Variants in PDPR observed in about 807,000 individuals in gnomAD.
The protein encoded by PDPR is pyruvate dehydrogenase phosphatase regulatory subunit, also known as pyruvate dehydrogenase phosphatase regulatory subunit, mitochondrial.
In PDPR, 50 loss-of-function variants were observed where a neutral mutation model predicts 102.2. The observed-to-expected ratio is 0.49, with a 90% CI of 0.39 to 0.62. The LOEUF (loss-of-function observed/expected upper bound fraction) is 0.62, where lower values mean the gene tolerates loss of function less well. Among genes scored for constraint, PDPR ranks in the 20% least tolerant of loss-of-function variants. The pLI, the probability that PDPR is intolerant of heterozygous loss-of-function variation, is 0.00. For synonymous variants in PDPR, 259 were observed against 406.0 expected, an observed-to-expected ratio of 0.64 and a Z score of 4.35; for missense variants, 625 against 1,098.2, an observed-to-expected ratio of 0.57 and a Z score of 6.09.
At chr16:70,117,517 CA>C (rs1315263475) in intron 2 of PDPR, among the ~76,000 whole-genome samples, 1 of 151,206 alleles carries the variant, frequency 6.6e-6, no homozygotes, top group Non-Finnish European at 1.5e-5. Context: ...GACTCCATCT[CA>C]AAAAAAATAA....
downstream of PDPR, among the ~76,000 whole-genome samples, chr16:70,163,266 GTT>G (rs67708146): frequency 1.3e-5 from 2 of 149,494 alleles, no homozygotes; most frequent in Non-Finnish European, 3.0e-5. Flanking sequence ...TTTTTGAGTA[GTT>G]TTTTTTTTTT....
chr16:70,154,081 A>G (rs1272735602), intron 18 of PDPR, among the ~76,000 whole-genome samples: 8 of 152,270 alleles, frequency 5.3e-5, no homozygotes, highest in African/African-American at 2.4e-5. Context: ...GCGTGAACCC[A>G]GGAGGCAGAG....
At chr16:70,129,907 CTG>C in intron 6 of PDPR, among the ~76,000 whole-genome samples, 1 of 152,406 alleles carries the variant, frequency 6.6e-6, no homozygotes, top group East Asian at 1.9e-4. Context: ...GTTCCAAAGT[CTG>C]TTTTTAAACT....
chr16:70,152,965 A>G (rs1358528607), intron 17 of PDPR, among the ~76,000 whole-genome samples: 3 of 152,290 alleles, frequency 2.0e-5, no homozygotes, highest in Non-Finnish European at 4.4e-5. Context: ...TTGGGCCAGT[A>G]CGTGAGGGAG....
At chr16:70,125,391 C>CAAAA (rs1555521452) in intron 3 of PDPR, among the ~76,000 whole-genome samples, 24,261 of 144,364 alleles carry the variant, frequency 0.17, 1,197 homozygotes, top group Admixed American at 0.22. Flanking sequence ...AACAAACAAA[C>CAAAA]AAAAAAACAA....
At chr16:70,146,285 G>T (rs974571849) in intron 16 of PDPR, 57 bp downstream of exon 16, 4 of 1,611,174 alleles carry the variant, frequency 2.5e-6, no homozygotes, top group Non-Finnish European at 3.4e-6. Context: ...CTTTCATAGC[G>T]GTGGCAGGTA....
intron 17 of PDPR, among the ~76,000 whole-genome samples, chr16:70,151,633 G>T: frequency 6.6e-6 from 1 of 152,292 alleles, no homozygotes; most frequent in East Asian, 1.9e-4. Context: ...CATCAGGAAG[G>T]GGAGGCTCTG....
At chr16:70,138,207 A>ATCTTTTTTTT (rs1965354461) in intron 10 of PDPR, among the ~76,000 whole-genome samples, 1 of 94,048 alleles carries the variant, frequency 1.1e-5, no homozygotes, top group Non-Finnish European at 2.0e-5. Context: ...ACGCCGGCTA[A>ATCTTTTTTTT]TTTTTTTTTT....
chr16:70,140,162 C>G (rs371617576), intron 11 of PDPR, among the ~76,000 whole-genome samples: 116 of 152,290 alleles, frequency 7.6e-4, no homozygotes, highest in African/African-American at 2.5e-3. Context: ...GTAGCGAAAC[C>G]CTGTCTCTAC....
At chr16:70,155,050 G>A (rs1388127810) in intron 18 of PDPR, among the ~76,000 whole-genome samples, 1 of 152,184 alleles carries the variant, frequency 6.6e-6, no homozygotes, top group Non-Finnish European at 1.5e-5. Flanking sequence ...AAATTAGCTG[G>A]GCATGGTGGC....
intron 2 of PDPR, among the ~76,000 whole-genome samples, chr16:70,118,148 A>T (rs1024362903): frequency 2.6e-5 from 4 of 151,908 alleles, no homozygotes; most frequent in African/African-American, 9.7e-5. Context: ...GAAACGTTGC[A>T]GGTACATGAA....
At chr16:70,140,208 G>A (rs1055333947) in intron 11 of PDPR, among the ~76,000 whole-genome samples, 37 of 152,212 alleles carry the variant, frequency 2.4e-4, no homozygotes. Flanking sequence ...ATGCCTAGTG[G>A]CACACACCTG....
At chr16:70,125,585 A>G (rs1239412075) in intron 3 of PDPR, among the ~76,000 whole-genome samples, 2 of 149,532 alleles carry the variant, frequency 1.3e-5, no homozygotes, top group East Asian at 2.0e-4. Context: ...GTATATATAT[A>G]TATATGTAAA....
At chr16:70,135,356 C>A (rs2152089504) in intron 9 of PDPR, among the ~76,000 whole-genome samples, 1 of 152,336 alleles carries the variant, frequency 6.6e-6, no homozygotes, top group East Asian at 1.9e-4. Context: ...TCTGCCTCAG[C>A]CTCCCGAGTA....
chr16:70,127,339 G>T lies in PDPR; in HGVS notation c.307G>T (p.Asp103Tyr). The change falls in exon 4 of 19, where the codon GAC (aspartate) becomes TAC (tyrosine). Residue 103 changes from aspartate (D) to tyrosine (Y), a missense_variant. Coordinates refer to ENST00000288050, the MANE Select transcript of PDPR (RefSeq NM_017990.5). ...RHLTIEQKMA[D>Y]YSNKLYYQLE... ...CTTGACCATTGAGCAGAAGATGGCA[G>T]ACTACTCAAACAAACTCTACTATCA... is the stretch of plus-strand genomic sequence containing the variant. The T allele has an allele frequency of 1.2e-6, 2 of 1,610,290 alleles. No individual in the cohort carries two copies. The highest frequency in any genetic ancestry group is 1.7e-6 in the Non-Finnish European group (2 of 1,177,948).
chr16:70,151,744 T>C (rs1258920241), intron 17 of PDPR, among the ~76,000 whole-genome samples: 1 of 152,296 alleles, frequency 6.6e-6, no homozygotes. Context: ...TCTAAGAGAT[T>C]ATTTGTGCCA....
chr16:70,157,529 C>T lies in PDPR; in HGVS notation c.*650C>T. 5.1e-6 allele frequency: 1 copy of T among 196,388 alleles called. No homozygotes were observed. The highest frequency in any genetic ancestry group is 1.0e-4 in the South Asian group (1 of 9,764). The allele number at this position is 196,388 out of a possible 1,614,324, so 12.2% of individuals were successfully genotyped here. On this transcript the variant is annotated 3_prime_UTR_variant, in exon 19 of 19. Transcript: ENST00000288050. ...CCATCCTCATCCTCCCTGCAGAAGC[C>T]ATTAGCAGACCTTTGGGCCAGGGCA...
At chr16:70,132,677 A>G (rs1282808969) in intron 9 of PDPR, among the ~76,000 whole-genome samples, 2 of 150,974 alleles carry the variant, frequency 1.3e-5, no homozygotes, top group South Asian at 2.1e-4. Context: ...TGGTAGAGAC[A>G]TGGTCTCGCC....
Position 70,153,405 on chromosome 16 carries a change from A to G in PDPR, c.2067A>G (p.Val689=), listed in dbSNP as rs756041366. 1 of 1,613,604 alleles carries G rather than the reference A, an allele frequency of 6.2e-7. No homozygotes were observed. The highest frequency in any genetic ancestry group is 1.7e-4 in the Middle Eastern group (1 of 6,058). Residue 689 remains valine, a synonymous_variant, in exon 18 of 19, where the codon GTA becomes GTG. Transcript: ENST00000288050. ...TCTTCCTATAGTACGCCCTGCATGT[A>G]TACAATGAAGTGATGAGTGTTGGCC... ...LYIPIEYALH[V]YNEVMSVGQK... is the part of the protein sequence containing the mutation.
Sources: allele counts gnomAD v4.1 joint callset (sites outside exome capture counted in the v4.1 genomes callset), GRCh38; gene constraint gnomAD v4.1.1; transcripts MANE v1.5; gene names NCBI Gene and HGNC (gene_info 2026-07-23, HGNC 2026-07-21).